ADGRL2: variants seen among roughly 807,000 people sequenced by gnomAD.
The protein encoded by ADGRL2 is calcium-independent alpha-latrotoxin receptor 2.
Under a neutral mutation model 157.4 loss-of-function variants are expected in ADGRL2, and 44 were observed. The ratio of observed to expected loss-of-function variants is 0.28; its 90% CI spans 0.22 to 0.36. The LOEUF (loss-of-function observed/expected upper bound fraction) is 0.36. Ranked by LOEUF, ADGRL2 falls within the 10% of genes least tolerant of loss-of-function variation. ADGRL2 has a pLI of 1.00. For missense variants in ADGRL2, 1,510 were observed against 1,768.9 expected (o/e 0.85, Z 2.63); for synonymous variants, 585 against 624.7 (o/e 0.94, Z 0.95).
In ADGRL2 at chr1:81,607,417, A is replaced by G. The variant is rs114613838; in HGVS notation, c.-143+26437A>G. Among the ~76,000 whole-genome samples, 759 of 152,320 alleles carry G rather than the reference A, an allele frequency of 5.0e-3. 9 individuals are homozygous for G. The highest frequency in any genetic ancestry group is 0.017 in the African/African-American group (696 of 41,562). ...ATACACAGCCAAGTGTGATAAAGAA[A>G]GTTACAATAGAAATATCCAACCAGG... On this transcript the variant is annotated intron_variant, in intron 3 of 24. Coordinates refer to the ADGRL2 transcript ENST00000370721.
At chr1:81,888,952 G>A (rs1347657242) in intron 2 of ADGRL2, among the ~76,000 whole-genome samples, 1 of 152,094 alleles carries the variant, frequency 6.6e-6, no homozygotes, top group Non-Finnish European at 1.5e-5. Context: ...TATTTGATGT[G>A]TATTATTGTA....
chr1:81,941,762 A>T (rs1403835219), intron 4 of ADGRL2, among the ~76,000 whole-genome samples: 1 of 151,782 alleles, frequency 6.6e-6, no homozygotes, highest in Non-Finnish European at 1.5e-5. Context: ...ATTCAGGTAC[A>T]CTAAGTGAAG....
intron 3 of ADGRL2, among the ~76,000 whole-genome samples, chr1:81,914,360 A>C (rs942437123): frequency 1.3e-5 from 2 of 152,130 alleles, no homozygotes; most frequent in Admixed American, 6.5e-5. Flanking sequence ...TCAAAGGGAA[A>C]AATTAGTGCA....
chr1:81,566,471 T>C (rs1299479927), intron 2 of ADGRL2, among the ~76,000 whole-genome samples: 1 of 152,200 alleles, frequency 6.6e-6, no homozygotes, highest in African/African-American at 2.4e-5. Flanking sequence ...AGTCAAACTC[T>C]AGCCAACTCT....
intron 1 of ADGRL2, among the ~76,000 whole-genome samples, chr1:81,826,798 T>TC (rs1293448896): frequency 1.1e-4 from 16 of 152,118 alleles, no homozygotes. Flanking sequence ...TTTACAGTAA[T>TC]CCACTTCACT....
chr1:81,721,886 G>C (rs1450326101), intron 1 of ADGRL2: 1 of 744,096 alleles, frequency 1.3e-6, no homozygotes, highest in Non-Finnish European at 2.4e-6. Context: ...GTAAGAAGGT[G>C]GAGGAAAACT....
chr1:81,768,543 A>C (rs2086227869), intron 2 of ADGRL2, among the ~76,000 whole-genome samples: 1 of 151,128 alleles, frequency 6.6e-6, no homozygotes, highest in African/African-American at 2.4e-5. Context: ...GTACAATCAC[A>C]GCTCACTTCA....
At chr1:81,814,734 T>C (rs898816236) in intron 1 of ADGRL2, among the ~76,000 whole-genome samples, 1 of 151,568 alleles carries the variant, frequency 6.6e-6, no homozygotes, top group Admixed American at 6.6e-5. Context: ...TTTTCTCAAA[T>C]TGAAATCTTA....
intron 3 of ADGRL2, among the ~76,000 whole-genome samples, chr1:81,926,500 C>G (rs1183929095): frequency 1.3e-5 from 2 of 151,948 alleles, no homozygotes; most frequent in African/African-American, 4.8e-5. Context: ...AGCGATTTCC[C>G]ATTTCCCTTG....
intron 1 of ADGRL2, among the ~76,000 whole-genome samples, chr1:81,389,744 A>G (rs984438733): frequency 1.3e-5 from 2 of 152,158 alleles, no homozygotes; most frequent in Non-Finnish European, 2.9e-5. Flanking sequence ...AATACAAAAT[A>G]CTTTGTTAGG....
intron 1 of ADGRL2, among the ~76,000 whole-genome samples, chr1:81,809,185 C>T (rs1382472413): frequency 6.6e-6 from 1 of 151,870 alleles, no homozygotes; most frequent in Non-Finnish European, 1.5e-5. Flanking sequence ...GGGATTACAC[C>T]TTAATCTTTG....
exon 1 of ADGRL2, chr1:81,306,499 G>A (rs1659344332): frequency 6.6e-6 from 1 of 151,724 alleles, no homozygotes; most frequent in Non-Finnish European, 1.5e-5. Context: ...ACCTCCATCT[G>A]TCTTTTCAAG....
intron 2 of ADGRL2, among the ~76,000 whole-genome samples, chr1:81,905,443 C>T (rs1557882514): frequency 6.6e-6 from 1 of 152,122 alleles, no homozygotes; most frequent in Non-Finnish European, 1.5e-5. Flanking sequence ...TTAAGACTGC[C>T]ATCCCTGAAT....
At chr1:81,393,430 A>G (rs1319855499) in intron 1 of ADGRL2, among the ~76,000 whole-genome samples, 4 of 151,842 alleles carry the variant, frequency 2.6e-5, no homozygotes, top group African/African-American at 9.7e-5. Flanking sequence ...AAAGTAAAAC[A>G]CCAATTACTT....
At chr1:81,343,072 C>CTTTTTTCTTTTTTCTTTTTTTTTTTTT (rs1662194281) in intron 1 of ADGRL2, among the ~76,000 whole-genome samples, 1 of 139,032 alleles carries the variant, frequency 7.2e-6, no homozygotes. Flanking sequence ...TTTTTCTTTT[C>CTTTTTTCTTTTTTCTTTTTTTTTTTTT]TTTTTTTCTT....
At chr1:81,725,064 G>A (rs766202024) in intron 1 of ADGRL2, among the ~76,000 whole-genome samples, 4 of 151,470 alleles carry the variant, frequency 2.6e-5, no homozygotes, top group Non-Finnish European at 4.4e-5. Flanking sequence ...AATTAGCTGG[G>A]CATGGTGGCG....
At position 81,981,843 on chromosome 1, in the gene ADGRL2, T is replaced by C. The variant is rs1558045896; in HGVS notation, c.3149T>C (p.Leu1050Pro). The C allele has an allele frequency of 1.2e-6, 2 of 1,612,212 alleles. No individual in the cohort carries two copies. Among genetic ancestry groups the C allele is most frequent in the Non-Finnish European group, 1.7e-6 (2 of 1,178,822 alleles). Residue 1050 changes from leucine (L) to proline (P), a missense_variant, in exon 19 of 24, where the codon CTT (leucine) becomes CCT (proline). Coordinates refer to ENST00000686636, the MANE Select transcript of ADGRL2 (RefSeq NM_001366006.2). ...CTTGGCGCTTTCGCTCTTCTGTGTC[T>C]TCTTGGCCTCACCTGGTCCTTTGGG... ...WVLGAFALLC[L>P]LGLTWSFGLL...
chr1:81,844,912 T>A (rs560105361), intron 2 of ADGRL2, among the ~76,000 whole-genome samples: 33 of 152,254 alleles, frequency 2.2e-4, no homozygotes, highest in African/African-American at 7.9e-4. Flanking sequence ...AAAGTGTTTT[T>A]TTTCTTCTGA....
chr1:81,563,755 A>G (rs1379513743), intron 2 of ADGRL2, among the ~76,000 whole-genome samples: 1 of 152,202 alleles, frequency 6.6e-6, no homozygotes, highest in African/African-American at 2.4e-5. Context: ...ACATCTCAAA[A>G]CAGGAACATC....
Sources: allele counts gnomAD v4.1 joint callset (sites outside exome capture counted in the v4.1 genomes callset), GRCh38; gene constraint gnomAD v4.1.1; transcripts MANE v1.5; gene names NCBI Gene and HGNC (gene_info 2026-07-23, HGNC 2026-07-21).